The following SLC7A1 variants were observed in gnomAD, a reference collection of about 807,000 sequenced individuals.
SLC7A1 encodes the protein solute carrier family 7 member 1.
In SLC7A1, 10 loss-of-function variants were observed where a neutral mutation model predicts 53.9. The ratio of observed to expected loss-of-function variants is 0.19; its 90% confidence interval spans 0.11 to 0.31. SLC7A1 has a LOEUF of 0.31. Ranked by LOEUF, SLC7A1 falls within the 10% of genes least tolerant of loss-of-function variation. The pLI is 1.00. For missense variants in SLC7A1, 525 were observed against 827.2 expected, an observed-to-expected ratio of 0.63 and a Z score of 4.48; for synonymous variants, 342 against 338.7, an observed-to-expected ratio of 1.01 and a Z score of -0.11.
chr13:29,556,264 T>C (rs1488994063), intron 1 of SLC7A1, among the ~76,000 whole-genome samples: 1 of 152,220 alleles, frequency 6.6e-6, no homozygotes, highest in Non-Finnish European at 1.5e-5. Context: ...GATTTTTTTT[T>C]TGTTCTGGAA....
rs1467811610 is a variant in SLC7A1 at position 29,517,583 on chromosome 13, G to A, written c.1500C>T (p.Thr500=). ...AGGGCTAGCTCTTACCTATGAGGCT[G>A]GTTGAAATGTTCACAATTAGCCCAG... is the stretch of plus-strand genomic sequence containing the variant. ...KISGLIVNIS[T]SLIAVLIITF... is the part of the protein sequence containing the mutation. Residue 500 remains threonine, a synonymous_variant, in exon 10 of 13, where the codon ACC becomes ACT. Transcript: ENST00000380752. 3 of 1,613,040 alleles carry A rather than the reference G, an allele frequency of 1.9e-6. No individual in the cohort carries two copies. The highest frequency in any genetic ancestry group is 2.5e-6 in the Non-Finnish European group (3 of 1,178,964).
chr13:29,520,699 T>C (rs1212692596), intron 8 of SLC7A1, among the ~76,000 whole-genome samples: 1 of 152,172 alleles, frequency 6.6e-6, no homozygotes, highest in East Asian at 1.9e-4. Flanking sequence ...CCATTATTTT[T>C]CCACAAATAT....
chr13:29,587,599 C>T (rs1464769222), intron 1 of SLC7A1, among the ~76,000 whole-genome samples: 1 of 152,218 alleles, frequency 6.6e-6, no homozygotes, highest in Non-Finnish European at 1.5e-5. Context: ...TTAACCTCTG[C>T]CAAGTCCAGG....
chr13:29,522,235 C>A (rs375493501), intron 8 of SLC7A1, 82 bp downstream of exon 8: 13 of 1,400,164 alleles, frequency 9.3e-6, no homozygotes, highest in African/African-American at 5.7e-5. Flanking sequence ...ACTCACAGAC[C>A]AGAACTGCGC....
rs1883503124 is a variant in SLC7A1, at chr13:29,514,679, TC to T, written c.1787-97del. ...CAGGGCGGTCCCACAGCAAACCCTC[TC>T]AGGCGGCCTGCCCCTGCCTGGCATG... On this transcript the variant is annotated intron_variant, in intron 12 of 12. Coordinates refer to ENST00000380752, the MANE Select transcript of SLC7A1 (RefSeq NM_003045.5). The T allele has an allele frequency of 3.4e-6, 3 of 892,234 alleles. No homozygotes were observed. The South Asian group carries it at 4.7e-5, about 14-fold the overall frequency. The allele number at this position is 892,234 out of a possible 1,614,324, so 55.3% of individuals were successfully genotyped here.
In SLC7A1 at chr13:29,530,792, A is replaced by C; in HGVS notation, c.530-80T>G. ...AGGTCCTTCCTGGATGGGGATAAGA[A>C]GGCGACTGAAAAAGAATCCAAGTGC... is the stretch of plus-strand genomic sequence containing the variant. On this transcript the variant is annotated intron_variant, in intron 4 of 12. Coordinates refer to ENST00000380752, the MANE Select transcript of SLC7A1 (RefSeq NM_003045.5). The C allele has an allele frequency of 1.5e-5, 18 of 1,206,420 alleles. 1 individual carries two copies. In the South Asian group the frequency reaches 2.4e-4, roughly 16 times the overall value. The allele number at this position is 1,206,420 out of a possible 1,614,324, so 74.7% of individuals were successfully genotyped here.
chr13:29,534,375 G>A (rs1869311734), intron 3 of SLC7A1, among the ~76,000 whole-genome samples: 1 of 152,172 alleles, frequency 6.6e-6, no homozygotes, highest in Admixed American at 6.5e-5. Flanking sequence ...AAATCCTCTG[G>A]AAACATAACG....
At chr13:29,591,684 G>T (rs978721244) in intron 1 of SLC7A1, among the ~76,000 whole-genome samples, 1 of 152,288 alleles carries the variant, frequency 6.6e-6, no homozygotes, top group East Asian at 1.9e-4. Context: ...CATGCCCTCT[G>T]TGCCCCCAGA....
At chr13:29,528,012 T>C (rs1004495717) in intron 5 of SLC7A1, among the ~76,000 whole-genome samples, 18 of 152,222 alleles carry the variant, frequency 1.2e-4, no homozygotes, top group African/African-American at 4.3e-4. Context: ...CTGCATCTGC[T>C]GAGAAATGTC....
intron 2 of SLC7A1, among the ~76,000 whole-genome samples, chr13:29,553,430 A>G (rs1025398819): frequency 2.0e-5 from 3 of 152,158 alleles, no homozygotes; most frequent in African/African-American, 7.2e-5. Context: ...CCTTCCCCAG[A>G]GCCTACCCTG....
In SLC7A1 at chr13:29,517,573, C is replaced by T; in HGVS notation, c.1510G>A (p.Ala504Thr). 1 of 1,611,766 alleles carries T rather than the reference C, an allele frequency of 6.2e-7. No individual in the cohort carries two copies. The highest frequency in any genetic ancestry group is 8.5e-7 in the Non-Finnish European group (1 of 1,177,804). ...LIVNISTSLI[A>T]VLIITFCIVT... is the part of the protein sequence containing the mutation. ...GCCCCAGGGAAGGGCTAGCTCTTAC[C>T]TATGAGGCTGGTTGAAATGTTCACA... The change falls in exon 10 of 13, where the codon GCT (alanine) becomes ACT (threonine). Residue 504 changes from alanine (A) to threonine (T), a missense_variant and splice_region_variant. Physicochemically the swap from Ala to Thr is moderately conservative, Grantham distance 58. Coordinates refer to ENST00000380752, the MANE Select transcript of SLC7A1 (RefSeq NM_003045.5).
intron 1 of SLC7A1, among the ~76,000 whole-genome samples, chr13:29,588,107 C>G (rs34578457): frequency 0.023 from 3,504 of 152,270 alleles, 130 homozygotes; most frequent in African/African-American, 0.079. Flanking sequence ...GAAAATCACA[C>G]CTCTTTTGAA....
intron 1 of SLC7A1, among the ~76,000 whole-genome samples, chr13:29,566,692 A>G (rs551408929): frequency 2.3e-4 from 35 of 152,330 alleles, no homozygotes; most frequent in African/African-American, 8.4e-4. Flanking sequence ...CGATGGCTGC[A>G]TAATCCTGTG....
At chr13:29,537,035 G>A (rs776730839) in intron 2 of SLC7A1, among the ~76,000 whole-genome samples, 40 of 152,186 alleles carry the variant, frequency 2.6e-4, no homozygotes, top group Non-Finnish European at 5.0e-4. Context: ...TCCAACCTAC[G>A]GGCCCACCTT....
intron 2 of SLC7A1, among the ~76,000 whole-genome samples, chr13:29,536,880 A>G (rs1393258567): frequency 6.6e-6 from 1 of 152,194 alleles, no homozygotes; most frequent in African/African-American, 2.4e-5. Context: ...GCTCTGTGGT[A>G]TATGATATAT....
chr13:29,586,464 G>A (rs189614216), intron 1 of SLC7A1, among the ~76,000 whole-genome samples: 27 of 152,206 alleles, frequency 1.8e-4, no homozygotes, highest in African/African-American at 5.5e-4. Flanking sequence ...AAGCTAACAC[G>A]GAACATGGGA....
intron 2 of SLC7A1, among the ~76,000 whole-genome samples, chr13:29,550,119 C>A (rs1257854525): frequency 1.3e-5 from 2 of 152,218 alleles, no homozygotes; most frequent in African/African-American, 2.4e-5. Flanking sequence ...TCATCTGAGA[C>A]CCAAGACCAC....
intron 1 of SLC7A1, among the ~76,000 whole-genome samples, chr13:29,593,159 C>T (rs897831971): frequency 1.1e-4 from 16 of 152,318 alleles, no homozygotes; most frequent in Middle Eastern, 3.4e-3. Flanking sequence ...TCAGTTGTGA[C>T]TTTCAAAAAG....
intron 1 of SLC7A1, among the ~76,000 whole-genome samples, chr13:29,568,821 T>C (rs1462957139): frequency 6.6e-6 from 1 of 152,188 alleles, no homozygotes; most frequent in East Asian, 1.9e-4. Flanking sequence ...ACCACTTGCT[T>C]GATAAGCCCT....
Sources: allele counts gnomAD v4.1 joint callset (sites outside exome capture counted in the v4.1 genomes callset), GRCh38; gene constraint gnomAD v4.1.1; transcripts MANE v1.5; gene names NCBI Gene and HGNC (gene_info 2026-07-23, HGNC 2026-07-21).